The following CDH13 variants were observed in gnomAD, a reference collection of about 807,000 sequenced individuals.
The protein encoded by CDH13 is cadherin 13, also known as cadherin-13.
A neutral mutation model predicts 63.8 loss-of-function variants in CDH13; 24 were observed. That is an observed-to-expected ratio of 0.38 (90% confidence interval 0.27 to 0.53). CDH13 has a LOEUF of 0.53. Ranked by LOEUF, CDH13 falls within the 20% of genes least tolerant of loss-of-function variation. The pLI is 0.85. For missense variants in CDH13, 1,049 were observed against 903.1 expected (o/e 1.16, Z -2.07); for synonymous variants, 503 against 355.3 (o/e 1.42, Z -4.67).
chr16:83,188,761 G>A (rs773951605), intron 4 of CDH13, among the ~76,000 whole-genome samples: 8 of 152,198 alleles, frequency 5.3e-5, no homozygotes, highest in Admixed American at 6.5e-5. Flanking sequence ...TAGAAATTGA[G>A]GTGGTTAGGA....
intron 10 of CDH13, among the ~76,000 whole-genome samples, chr16:83,680,418 G>C (rs1003756228): frequency 5.9e-5 from 9 of 152,180 alleles, no homozygotes; most frequent in African/African-American, 2.2e-4. Context: ...TTACTGCTGG[G>C]AGTATGGAGG....
intron 5 of CDH13, among the ~76,000 whole-genome samples, chr16:83,239,426 G>A (rs1351221139): frequency 2.6e-5 from 4 of 152,088 alleles, no homozygotes; most frequent in Non-Finnish European, 5.9e-5. Flanking sequence ...GCCATTTGTT[G>A]TGGTGATATT....
chr16:83,739,168 C>T (rs1185673310), intron 10 of CDH13, among the ~76,000 whole-genome samples: 2 of 152,162 alleles, frequency 1.3e-5, no homozygotes, highest in East Asian at 3.9e-4. Context: ...CTTGCGCGAA[C>T]AAATGTGGTT....
chr16:83,222,736 C>G (rs898230569), intron 5 of CDH13, among the ~76,000 whole-genome samples: 1 of 151,970 alleles, frequency 6.6e-6, no homozygotes, highest in African/African-American at 2.4e-5. Flanking sequence ...AACTAGTTTA[C>G]AAAGGAAGAG....
At chr16:83,304,402 T>A (rs2089826045) in intron 5 of CDH13, among the ~76,000 whole-genome samples, 1 of 152,100 alleles carries the variant, frequency 6.6e-6, no homozygotes, top group Admixed American at 6.6e-5. Context: ...AGTGGGTGGG[T>A]TGGGGAATGA....
chr16:83,422,276 A>C (rs1033305720), intron 6 of CDH13, among the ~76,000 whole-genome samples: 1 of 152,192 alleles, frequency 6.6e-6, no homozygotes, highest in African/African-American at 2.4e-5. Flanking sequence ...AAATCATATT[A>C]ATACTCATCC....
chr16:83,306,373 C>G (rs1300245132), intron 5 of CDH13, among the ~76,000 whole-genome samples: 1 of 152,112 alleles, frequency 6.6e-6, no homozygotes, highest in East Asian at 1.9e-4. Context: ...CTCACAAATG[C>G]TGTTCTGGAG....
At chr16:83,242,039 C>T (rs1904508000) in intron 5 of CDH13, among the ~76,000 whole-genome samples, 1 of 152,106 alleles carries the variant, frequency 6.6e-6, no homozygotes, top group Admixed American at 6.6e-5. Flanking sequence ...GGTCTAAGTT[C>T]AGTTTTGCTT....
At chr16:83,261,201 A>G (rs16959991) in intron 5 of CDH13, among the ~76,000 whole-genome samples, 10,377 of 152,228 alleles carry the variant, frequency 0.068, 489 homozygotes, top group East Asian at 0.23. Flanking sequence ...CGGAGTGGGC[A>G]GATACAGCCA....
intron 2 of CDH13, among the ~76,000 whole-genome samples, chr16:83,022,647 C>T (rs1382515644): frequency 6.6e-6 from 1 of 152,110 alleles, no homozygotes; most frequent in Non-Finnish European, 1.5e-5. Flanking sequence ...TGGGGGAGGG[C>T]TACAACTTCC....
intron 5 of CDH13, among the ~76,000 whole-genome samples, chr16:83,318,045 A>C (rs987178778): frequency 5.9e-5 from 9 of 152,222 alleles, no homozygotes. Context: ...AGTCAGCCTC[A>C]GTTTTCCCTC....
At position 83,486,619 on chromosome 16, in the gene CDH13, T is replaced by C; in HGVS notation, c.924T>C (p.Ile308=). The C allele has an allele frequency of 6.2e-7, 1 of 1,613,936 alleles. No individual in the cohort carries two copies. Among genetic ancestry groups the C allele is most frequent in the Non-Finnish European group, 8.5e-7 (1 of 1,179,828 alleles). ...ACATCGATCCTGAGAAAGGAGACAT[T>C]GTCACTGTTGTGTCACCTGCGCTGC... ...MFYIDPEKGD[I]VTVVSPALLD... The change falls in exon 7 of 14, where the codon ATT becomes ATC. Residue 308 remains isoleucine, a synonymous_variant. Transcript: ENST00000567109.
intron 1 of CDH13, among the ~76,000 whole-genome samples, chr16:82,707,550 A>G (rs2031589621): frequency 6.6e-6 from 1 of 152,206 alleles, no homozygotes; most frequent in Admixed American, 6.5e-5. Context: ...AAGTCTTCCT[A>G]GAAGCCAGGG....
At chr16:83,052,776 C>CAAAAAAAAAAA (rs71148805) in intron 3 of CDH13, among the ~76,000 whole-genome samples, 2 of 92,876 alleles carry the variant, frequency 2.2e-5, no homozygotes, top group African/African-American at 4.8e-5. Flanking sequence ...GACTTTATCT[C>CAAAAAAAAAAA]AAAAAAAAAA....
intron 6 of CDH13, among the ~76,000 whole-genome samples, chr16:83,475,202 A>G (rs559957956): frequency 6.6e-6 from 1 of 152,374 alleles, no homozygotes; most frequent in Admixed American, 6.5e-5. Context: ...GTTCTGTGCA[A>G]CTGTGCAGGT....
chr16:83,200,384 A>G (rs1597504186), intron 4 of CDH13, among the ~76,000 whole-genome samples: 1 of 152,150 alleles, frequency 6.6e-6, no homozygotes, highest in East Asian at 1.9e-4. Context: ...TCTTTAGATG[A>G]TACCCAAAAC....
In CDH13 at chr16:83,014,503, A is replaced by G. The variant is rs1393925125; in HGVS notation, c.158-17507A>G. Among the ~76,000 whole-genome samples the G allele has an allele frequency of 2.6e-5, 4 of 151,192 alleles. No individual in the cohort carries two copies. In the South Asian group the frequency reaches 8.3e-4, roughly 31 times the overall value. On this transcript the variant is annotated intron_variant, in intron 2 of 13. Coordinates refer to ENST00000567109, the MANE Select transcript of CDH13 (RefSeq NM_001257.5). The stretch of plus-strand genomic sequence containing the variant: ...AATCTCAGCACTTTGGGAGGCCAAG[A>G]CGGATAGATCACTTGAGGTCAGGAG...
At chr16:83,734,418 T>G (rs146614980) in intron 10 of CDH13, among the ~76,000 whole-genome samples, 2 of 152,248 alleles carry the variant, frequency 1.3e-5, no homozygotes, top group African/African-American at 4.8e-5. Context: ...AGAGGAAATG[T>G]AACCGTGTTT....
At chr16:82,884,833 C>T (rs1402027208) in intron 2 of CDH13, among the ~76,000 whole-genome samples, 1 of 152,180 alleles carries the variant, frequency 6.6e-6, no homozygotes, top group Non-Finnish European at 1.5e-5. Flanking sequence ...TTATTTTCTT[C>T]TCCAGTCATC....
Sources: allele counts gnomAD v4.1 joint callset (sites outside exome capture counted in the v4.1 genomes callset), GRCh38; gene constraint gnomAD v4.1.1; transcripts MANE v1.5; gene names NCBI Gene and HGNC (gene_info 2026-07-23, HGNC 2026-07-21).